Variants in WASF2 observed in about 807,000 individuals in gnomAD.
WASF2 encodes actin-binding protein WASF2.
Under a neutral mutation model 45.0 loss-of-function variants are expected in WASF2, and 14 were observed. The observed-to-expected ratio is 0.31, with a 90% CI of 0.21 to 0.49. The LOEUF (loss-of-function observed/expected upper bound fraction) is 0.49. Among genes scored for constraint, WASF2 ranks in the 20% least tolerant of loss-of-function variants. WASF2 has a pLI of 0.99. For missense variants in WASF2, 439 were observed against 636.1 expected, an observed-to-expected ratio of 0.69 and a Z score of 3.33; for synonymous variants, 200 against 236.3, an observed-to-expected ratio of 0.85 and a Z score of 1.41.
Position 27,410,228 on chromosome 1 carries a change from G to T in WASF2, c.825-22C>A. 6.2e-7 allele frequency: 1 copy of T among 1,613,646 alleles called. No homozygotes were observed. Among genetic ancestry groups the T allele is most frequent in the Non-Finnish European group, 8.5e-7 (1 of 1,179,830 alleles). On this transcript the variant is annotated intron_variant, in intron 7 of 8. Transcript: ENST00000618852. This position sits in a 1 kb window ranked among gnomAD's most constrained non-coding sequence, Gnocchi z 4.2. ...GTAACTAAAAGGCCAAAGAAAAAAA[G>T]ACTCACCATCACCCTTAGAATGCAG...
intron 1 of WASF2, among the ~76,000 whole-genome samples, chr1:27,482,785 A>C (rs2017869860): frequency 6.6e-6 from 1 of 152,204 alleles, no homozygotes; most frequent in African/African-American, 2.4e-5. Flanking sequence ...AAGAAGGAGA[A>C]AAAGGAGAAC....
chr1:27,432,203 G>A (rs766770213), intron 1 of WASF2, among the ~76,000 whole-genome samples: 2 of 152,128 alleles, frequency 1.3e-5, no homozygotes, highest in South Asian at 4.1e-4. Context: ...CACACTTCAA[G>A]TTATAGAAAA....
At chr1:27,415,897 G>A in intron 5 of WASF2, 88 bp downstream of exon 5, 1 of 1,116,810 alleles carries the variant, frequency 9.0e-7, no homozygotes, top group Non-Finnish European at 1.3e-6. Context: ...CACTTGAAAT[G>A]ATTACTTCAC....
At chr1:27,435,540 T>C (rs554164965) in intron 1 of WASF2, among the ~76,000 whole-genome samples, 12 of 151,022 alleles carry the variant, frequency 7.9e-5, no homozygotes, top group African/African-American at 1.2e-4. Flanking sequence ...GTGTGTATGA[T>C]TGTGCCACTG....
At chr1:27,418,534 G>T in intron 3 of WASF2, 112 bp from the exon 4 acceptor site, 1 of 1,425,812 alleles carries the variant, frequency 7.0e-7, no homozygotes, top group Non-Finnish European at 9.5e-7. Flanking sequence ...GTGGCTGTCC[G>T]CAGCCAGGCT....
At chr1:27,438,425 A>G (rs924583431) in intron 1 of WASF2, among the ~76,000 whole-genome samples, 1 of 152,174 alleles carries the variant, frequency 6.6e-6, no homozygotes, top group Admixed American at 6.6e-5. Context: ...GTCTCAATTC[A>G]CCTGGCTAGC....
intron 1 of WASF2, among the ~76,000 whole-genome samples, chr1:27,442,990 CAA>C (rs782114128): frequency 0.025 from 1,619 of 64,178 alleles, 23 homozygotes; most frequent in African/African-American, 0.081. Flanking sequence ...GACTCTGTCT[CAA>C]AAAAAAAAAA....
intron 1 of WASF2, among the ~76,000 whole-genome samples, chr1:27,481,869 C>A (rs1473402207): frequency 1.3e-5 from 2 of 152,134 alleles, no homozygotes; most frequent in African/African-American, 2.4e-5. Context: ...AGTTTAATAG[C>A]CTCTCCTATC....
rs2016638269 is a variant in WASF2, at chr1:27,404,668, C to T, written c.*3521G>A. On this transcript the variant is annotated 3_prime_UTR_variant, in exon 9 of 9. Coordinates refer to ENST00000618852, the MANE Select transcript of WASF2 (RefSeq NM_006990.5). ...CAGAGAAAACAAGGCACTTTGGGAG[C>T]ATTATGGCTTACTCTACTACATGTA... The T allele has an allele frequency of 6.6e-6, 1 of 152,180 alleles. No individual in the cohort carries two copies. The highest frequency in any genetic ancestry group is 1.5e-5 in the Non-Finnish European group (1 of 68,032). 9.4% of individuals were successfully genotyped at this position (152,180 alleles called of 1,614,324 possible).
In WASF2 at chr1:27,405,405, G is replaced by A. The variant is rs558441023; in HGVS notation, c.*2784C>T. On this transcript the variant is annotated 3_prime_UTR_variant, in exon 9 of 9. Coordinates refer to ENST00000618852, the MANE Select transcript of WASF2 (RefSeq NM_006990.5). ...AATGGGGGCAGGTCCCTTGGGCGGG[G>A]TGAACCAGGAAGGGAGGAGGCTCCT... The A allele has an allele frequency of 6.6e-6, 1 of 152,316 alleles. No individual in the cohort carries two copies. Among genetic ancestry groups the A allele is most frequent in the African/African-American group, 2.4e-5 (1 of 41,456 alleles). The allele number at this position is 152,316 out of a possible 1,614,324, so 9.4% of individuals were successfully genotyped here.
intron 4 of WASF2, among the ~76,000 whole-genome samples, chr1:27,416,703 C>T (rs551665466): frequency 6.6e-6 from 1 of 152,334 alleles, no homozygotes; most frequent in East Asian, 1.9e-4. Context: ...ACCCCAACCA[C>T]AAGAGGGCTC....
chr1:27,487,429 T>C (rs1486898556), intron 1 of WASF2, among the ~76,000 whole-genome samples: 5 of 128,136 alleles, frequency 3.9e-5, no homozygotes, highest in African/African-American at 1.5e-4. Flanking sequence ...AATATATATA[T>C]TTAATATATA....
chr1:27,456,063 C>T (rs2017461823), intron 1 of WASF2, among the ~76,000 whole-genome samples: 1 of 152,138 alleles, frequency 6.6e-6, no homozygotes, highest in Non-Finnish European at 1.5e-5. Context: ...TGGCTCACAC[C>T]TGTAATCCCA....
chr1:27,469,954 A>G (rs2017667839), intron 1 of WASF2, among the ~76,000 whole-genome samples: 1 of 152,088 alleles, frequency 6.6e-6, no homozygotes, highest in Non-Finnish European at 1.5e-5. Flanking sequence ...AAAAAAAAAA[A>G]GGTGAAGTTA....
intron 7 of WASF2, among the ~76,000 whole-genome samples, chr1:27,411,362 A>G (rs2016758191): frequency 6.6e-6 from 1 of 152,244 alleles, no homozygotes; most frequent in Admixed American, 6.5e-5. Context: ...TGCCAGGGAC[A>G]TGCACAAATA....
At chr1:27,413,301 C>T (rs867007335) in intron 6 of WASF2, among the ~76,000 whole-genome samples, 1 of 152,172 alleles carries the variant, frequency 6.6e-6, no homozygotes, top group African/African-American at 2.4e-5. Context: ...ATTAAAGTAG[C>T]GTGCTAGGGC....
intron 7 of WASF2, 60 bp downstream of exon 7, chr1:27,412,512 A>C (rs1486914895): frequency 6.2e-7 from 1 of 1,603,178 alleles, no homozygotes; most frequent in Non-Finnish European, 8.5e-7. Context: ...CTCCTGGTCC[A>C]TTCTTTTGTT....
chr1:27,441,761 A>T (rs1571140275), intron 1 of WASF2, among the ~76,000 whole-genome samples: 2 of 144,940 alleles, frequency 1.4e-5, no homozygotes, highest in South Asian at 2.3e-4. Flanking sequence ...CTCAAAAAAA[A>T]AAAAAAAAAA....
At chr1:27,487,138 T>C (rs890306581) in intron 1 of WASF2, among the ~76,000 whole-genome samples, 3 of 147,076 alleles carry the variant, frequency 2.0e-5, no homozygotes, top group Non-Finnish European at 4.5e-5. Context: ...TCTCGCTCTG[T>C]CGCCCATGCT....
Sources: allele counts gnomAD v4.1 joint callset (sites outside exome capture counted in the v4.1 genomes callset), GRCh38; gene constraint gnomAD v4.1.1; non-coding constraint Gnocchi (gnomAD v3.1); transcripts MANE v1.5; gene names NCBI Gene and HGNC (gene_info 2026-07-23, HGNC 2026-07-21).